Variants in UBXN2A observed in about 807,000 individuals in gnomAD.
UBXN2A encodes the protein UBX domain-containing protein 2A.
UBXN2A carries 28 observed loss-of-function variants against 28.4 expected under a neutral mutation model. The observed-to-expected ratio is 0.99, with a 90% CI of 0.73 to 1.35. UBXN2A has a LOEUF of 1.35. Among genes scored for constraint, UBXN2A ranks in the 40% most tolerant of loss-of-function variants. The pLI is 0.00. For missense variants in UBXN2A, 253 were observed against 297.9 expected (o/e 0.85, Z 1.11); for synonymous variants, 97 against 103.6 (o/e 0.94, Z 0.39).
At chr2:23,989,597 A>G (rs1708268210) in intron 6 of UBXN2A, among the ~76,000 whole-genome samples, 1 of 151,838 alleles carries the variant, frequency 6.6e-6, no homozygotes, top group South Asian at 2.1e-4. Flanking sequence ...ATCCACGTAG[A>G]TACATCCACT....
At chr2:23,982,780 A>G (rs1346838338) in intron 4 of UBXN2A, 116 bp from the exon 5 acceptor site, 2 of 1,089,640 alleles carry the variant, frequency 1.8e-6, no homozygotes. Flanking sequence ...TTCATTGTAT[A>G]GAATATTATA....
chr2:23,943,424 T>G (rs1168456767), intron 1 of UBXN2A, among the ~76,000 whole-genome samples: 1 of 152,158 alleles, frequency 6.6e-6, no homozygotes, highest in African/African-American at 2.4e-5. Flanking sequence ...CTCATGTTAA[T>G]AATTTTATAT....
intron 1 of UBXN2A, among the ~76,000 whole-genome samples, chr2:23,932,507 T>G (rs529688853): frequency 9.1e-4 from 135 of 148,868 alleles, no homozygotes; most frequent in African/African-American, 2.9e-3. Context: ...CAAGGAGAAC[T>G]GCCCACCTTT....
chr2:23,982,865 G>A, intron 4 of UBXN2A, 31 bp from the exon 5 acceptor site: 2 of 1,572,096 alleles, frequency 1.3e-6, no homozygotes, highest in Non-Finnish European at 1.7e-6. Flanking sequence ...TACATTGGGA[G>A]CTTTATCATT....
chr2:23,947,152 G>A (rs984994318), intron 1 of UBXN2A, among the ~76,000 whole-genome samples: 1 of 152,142 alleles, frequency 6.6e-6, no homozygotes, highest in African/African-American at 2.4e-5. Context: ...GCCTCCTAAA[G>A]TGCTGAGATT....
chr2:23,972,693 G>A (rs1479298320), intron 3 of UBXN2A, among the ~76,000 whole-genome samples: 1 of 151,848 alleles, frequency 6.6e-6, no homozygotes, highest in South Asian at 2.1e-4. Flanking sequence ...GTGGTGGTGC[G>A]TGCCTGTAAT....
At chr2:23,968,894 C>CTT (rs551302005) in intron 2 of UBXN2A, 24 of 130,608 alleles carry the variant, frequency 1.8e-4, no homozygotes, top group African/African-American at 3.1e-4. Flanking sequence ...TTTCTTTTTT[C>CTT]TTTTTTTTTT....
At chr2:23,928,398 A>C (rs1705214221) in intron 1 of UBXN2A, among the ~76,000 whole-genome samples, 1 of 152,120 alleles carries the variant, frequency 6.6e-6, no homozygotes, top group African/African-American at 2.4e-5. Context: ...CAACATGGTG[A>C]AACCCCCTCT....
chr2:23,957,244 CCA>C (rs1261885982), intron 1 of UBXN2A, among the ~76,000 whole-genome samples: 1 of 151,984 alleles, frequency 6.6e-6, no homozygotes, highest in African/African-American at 2.4e-5. Context: ...AGTTATCCTC[CCA>C]CCTCAGCACC....
rs1706741723 is a variant in UBXN2A at position 23,958,408 on chromosome 2, T to G, written c.41+53T>G. 3 of 1,502,958 alleles carry G rather than the reference T, an allele frequency of 2.0e-6. No homozygotes were observed. In the South Asian group the frequency reaches 3.9e-5, roughly 19 times the overall value. The allele number at this position is 1,502,958 out of a possible 1,614,324, so 93.1% of individuals were successfully genotyped here. On this transcript the variant is annotated intron_variant, in intron 2 of 6. Coordinates refer to ENST00000309033, the MANE Select transcript of UBXN2A (RefSeq NM_181713.4). ...GTTAATGCCTTTGTTAATATCGTCCTGTATTTTTATTACATTTCACTTGCA... is the reference window on the plus strand; with the variant it reads ...GTTAATGCCTTTGTTAATATCGTCCGGTATTTTTATTACATTTCACTTGCA...
At chr2:23,986,685 G>A (rs1169396142) in intron 6 of UBXN2A, among the ~76,000 whole-genome samples, 1 of 150,090 alleles carries the variant, frequency 6.7e-6, no homozygotes, top group Non-Finnish European at 1.5e-5. Flanking sequence ...TCAGCTCACT[G>A]CAACCTTCAT....
At chr2:23,972,261 C>A (rs1260586844) in intron 3 of UBXN2A, among the ~76,000 whole-genome samples, 1 of 152,134 alleles carries the variant, frequency 6.6e-6, no homozygotes, top group Non-Finnish European at 1.5e-5. Flanking sequence ...CCACTGAATC[C>A]AAAAATCCAA....
upstream of UBXN2A, among the ~76,000 whole-genome samples, chr2:23,938,550 C>CG (rs1705604611): frequency 1.4e-5 from 2 of 142,940 alleles, no homozygotes; most frequent in South Asian, 2.1e-4. Context: ...GTGGCCCCCC[C>CG]CTCCCTTTTT....
chr2:23,928,301 A>G (rs934679629), intron 1 of UBXN2A, among the ~76,000 whole-genome samples: 2 of 151,954 alleles, frequency 1.3e-5, no homozygotes, highest in African/African-American at 4.8e-5. Context: ...TTCACAGTAC[A>G]GGCCGGGCTT....
chr2:23,977,125 AGGCTGT>A (rs1249686219), intron 4 of UBXN2A, 50 bp downstream of exon 4: 1 of 1,479,202 alleles, frequency 6.8e-7, no homozygotes, highest in Non-Finnish European at 9.4e-7. Context: ...AAACTTTGGC[AGGCTGT>A]GGCGAGAGGA....
At chr2:23,940,243 A>T (rs1313044424), upstream of UBXN2A, among the ~76,000 whole-genome samples, 1 of 151,968 alleles carries the variant, frequency 6.6e-6, no homozygotes, top group African/African-American at 2.4e-5. Context: ...GTACCCAGGT[A>T]AGCACACTCT....
chr2:23,984,358 G>A (rs1214654618), intron 5 of UBXN2A, among the ~76,000 whole-genome samples: 1 of 152,046 alleles, frequency 6.6e-6, no homozygotes, highest in Non-Finnish European at 1.5e-5. Flanking sequence ...CTGGGCAGTA[G>A]GTAAAGGTAA....
chr2:23,982,792 AT>A, intron 4 of UBXN2A, 103 bp from the exon 5 acceptor site: 1 of 1,176,404 alleles, frequency 8.5e-7, no homozygotes, highest in Non-Finnish European at 1.1e-6. Flanking sequence ...AATATTATAT[AT>A]TTCTGTATAT....
intron 4 of UBXN2A, among the ~76,000 whole-genome samples, chr2:23,980,504 G>A (rs1707848600): frequency 6.6e-6 from 1 of 151,956 alleles, no homozygotes; most frequent in Non-Finnish European, 1.5e-5. Flanking sequence ...TGTCATTCTG[G>A]TTTTGATTTA....
Sources: allele counts gnomAD v4.1 joint callset (sites outside exome capture counted in the v4.1 genomes callset), GRCh38; gene constraint gnomAD v4.1.1; transcripts MANE v1.5; gene names NCBI Gene and HGNC (gene_info 2026-07-23, HGNC 2026-07-21).